PDE10A: variants seen among roughly 807,000 people sequenced by gnomAD.
PDE10A encodes the protein phosphodiesterase 10A, also known as cAMP and cAMP-inhibited cGMP 3',5'-cyclic phosphodiesterase 10A.
PDE10A carries 39 observed loss-of-function variants against 97.7 expected under a neutral mutation model. The ratio of observed to expected loss-of-function variants is 0.40; its 90% CI spans 0.31 to 0.52. The LOEUF (loss-of-function observed/expected upper bound fraction) is 0.52, where lower values mean the gene tolerates loss of function less well. Ranked by LOEUF, PDE10A falls within the 20% of genes least tolerant of loss-of-function variation. The pLI is 0.56. For synonymous variants in PDE10A, 371 were observed against 376.8 expected, an observed-to-expected ratio of 0.98 and a Z score of 0.18; for missense variants, 731 against 1,047.8, an observed-to-expected ratio of 0.70 and a Z score of 4.17.
intron 1 of PDE10A, among the ~76,000 whole-genome samples, chr6:165,750,602 T>C (rs767575881): frequency 6.6e-5 from 10 of 152,244 alleles, no homozygotes; most frequent in Non-Finnish European, 2.9e-5. Flanking sequence ...ACCACAGTTT[T>C]TAATGGGGCC....
At chr6:165,546,337 C>G (rs1025547523) in intron 1 of PDE10A, among the ~76,000 whole-genome samples, 1 of 152,074 alleles carries the variant, frequency 6.6e-6, no homozygotes, top group South Asian at 2.1e-4. Context: ...GACACTATAA[C>G]GATGAATACA....
chr6:165,469,586 T>C (rs1187176047), intron 3 of PDE10A, among the ~76,000 whole-genome samples: 1 of 152,238 alleles, frequency 6.6e-6, no homozygotes, highest in Non-Finnish European at 1.5e-5. Context: ...ATACGGACTT[T>C]TCTTGCAGTC....
At chr6:165,381,346 A>G (rs1784909931) in intron 17 of PDE10A, among the ~76,000 whole-genome samples, 1 of 152,240 alleles carries the variant, frequency 6.6e-6, no homozygotes, top group Non-Finnish European at 1.5e-5. Flanking sequence ...ATTACTTTTC[A>G]GTATTAAAGG....
At position 165,651,082 on chromosome 6, in the gene PDE10A, G is replaced by A. The variant is rs144853118; in HGVS notation, c.865+10865C>T. On this transcript the variant is annotated intron_variant, in intron 1 of 21. Transcript: ENST00000539869. ...TGGATACTGCCAAATTGCCTTCCTC[G>A]GTAGCTACACCACTTGATACTCCCA... is the stretch of plus-strand genomic sequence containing the variant. Among the ~76,000 whole-genome samples the A allele has an allele frequency of 3.8e-4, 58 of 152,250 alleles. 1 individual carries two copies. The East Asian group carries it at 0.011, about 28-fold the overall frequency.
rs186045284 is a variant in PDE10A at position 165,418,054 on chromosome 6, G to A, written c.1796+581C>T. On this transcript the variant is annotated intron_variant, in intron 11 of 21. Transcript: ENST00000539869. This position sits in a 1 kb window ranked among gnomAD's most constrained non-coding sequence, Gnocchi z 4.8. ...AGGTGCGATATGAGCAAGCCCCCATGCCTCCATCAACAAAATAAACTCCAT... is the reference window on the plus strand; with the variant it reads ...AGGTGCGATATGAGCAAGCCCCCATACCTCCATCAACAAAATAAACTCCAT... Among the ~76,000 whole-genome samples the A allele has an allele frequency of 6.6e-6, 1 of 152,214 alleles. No individual in the cohort carries two copies. Among genetic ancestry groups the A allele is most frequent in the Non-Finnish European group, 1.5e-5 (1 of 68,022 alleles).
intron 2 of PDE10A, among the ~76,000 whole-genome samples, chr6:165,502,675 A>C (rs1780958449): frequency 6.6e-6 from 1 of 152,246 alleles, no homozygotes; most frequent in South Asian, 2.1e-4. Flanking sequence ...CAAGAAAATG[A>C]ACAAAGTACT....
At chr6:165,884,560 C>T (rs1174698200) in intron 1 of PDE10A, among the ~76,000 whole-genome samples, 1 of 152,208 alleles carries the variant, frequency 6.6e-6, no homozygotes, top group Non-Finnish European at 1.5e-5. Context: ...AAACTCCCAA[C>T]TATACTATTT....
At chr6:165,837,483 C>T (rs1217113816) in intron 1 of PDE10A, among the ~76,000 whole-genome samples, 1 of 151,956 alleles carries the variant, frequency 6.6e-6, no homozygotes, top group Non-Finnish European at 1.5e-5. Flanking sequence ...TATGTTGGCT[C>T]TATGTTTAAT....
rs371164847 is a variant in PDE10A, at chr6:165,433,099, C to T, written c.1366G>A (p.Glu456Lys). The T allele has an allele frequency of 6.7e-5, 108 of 1,613,228 alleles. No individual in the cohort carries two copies. The highest frequency in any genetic ancestry group is 9.1e-5 in the Non-Finnish European group (107 of 1,179,508). The change falls in exon 7 of 22, where the codon GAA becomes AAA. Residue 456 changes from glutamate to lysine, a missense_variant. This residue lies in a region of PDE10A where 152 missense variants were observed against 199.3 expected (regional missense o/e 0.76). Transcript: ENST00000539869. ...ACAGACTGGATACGAGTCCCTGATT[C>T]CAGTCCAGTACCTCTTGGAAATCGT... is the stretch of plus-strand genomic sequence containing the variant. ...DERFPRGTGL[E>K]SGTRIQSVLC...
At chr6:165,434,061 T>A (rs1280945088) in intron 6 of PDE10A, among the ~76,000 whole-genome samples, 3 of 145,918 alleles carry the variant, frequency 2.1e-5, no homozygotes, top group Non-Finnish European at 4.5e-5. Flanking sequence ...GGAAATTGAA[T>A]GAATTAATAT....
At chr6:165,508,839 A>G (rs2128299925) in intron 2 of PDE10A, among the ~76,000 whole-genome samples, 1 of 152,150 alleles carries the variant, frequency 6.6e-6, no homozygotes, top group African/African-American at 2.4e-5. Flanking sequence ...CAGTGTTAGT[A>G]TGTTTATACA....
intron 3 of PDE10A, among the ~76,000 whole-genome samples, chr6:165,455,045 G>A (rs775974023): frequency 2.6e-4 from 39 of 152,056 alleles, no homozygotes; most frequent in Admixed American, 5.9e-4. Flanking sequence ...CAAAGAGGTC[G>A]GCAGCCATTT....
At chr6:165,760,550 T>C (rs2128457865) in intron 1 of PDE10A, among the ~76,000 whole-genome samples, 1 of 152,322 alleles carries the variant, frequency 6.6e-6, no homozygotes, top group South Asian at 2.1e-4. Flanking sequence ...TTTCAACAAA[T>C]GTTTGTTGAA....
At chr6:165,945,564 G>A (rs935104821) in intron 1 of PDE10A, among the ~76,000 whole-genome samples, 1 of 152,120 alleles carries the variant, frequency 6.6e-6, no homozygotes, top group African/African-American at 2.4e-5. Flanking sequence ...GAATGGGATT[G>A]GTGCCCTTAT....
chr6:165,476,610 T>C (rs1002064764), intron 3 of PDE10A, among the ~76,000 whole-genome samples: 2 of 152,156 alleles, frequency 1.3e-5, no homozygotes, highest in Non-Finnish European at 2.9e-5. Flanking sequence ...TACCCTGAAC[T>C]AAAAAGGACT....
intron 1 of PDE10A, among the ~76,000 whole-genome samples, chr6:165,962,961 T>C (rs1415174700): frequency 6.6e-6 from 1 of 152,236 alleles, no homozygotes; most frequent in Non-Finnish European, 1.5e-5. Context: ...CAAGCATGCA[T>C]ACGTGAGTGC....
chr6:165,793,053 C>T (rs1375547610), intron 1 of PDE10A, among the ~76,000 whole-genome samples: 1 of 152,066 alleles, frequency 6.6e-6, no homozygotes, highest in African/African-American at 2.4e-5. Flanking sequence ...TCAAAAATAA[C>T]ACAATGTGTA....
At chr6:165,497,253 A>G (rs1387099038) in intron 2 of PDE10A, among the ~76,000 whole-genome samples, 1 of 152,188 alleles carries the variant, frequency 6.6e-6, no homozygotes, top group Non-Finnish European at 1.5e-5. Flanking sequence ...AATTATATAT[A>G]AACAGAATGA....
chr6:165,615,865 T>C (rs1038109342), intron 1 of PDE10A, among the ~76,000 whole-genome samples: 1 of 152,194 alleles, frequency 6.6e-6, no homozygotes, highest in Non-Finnish European at 1.5e-5. Flanking sequence ...TAACCTCATG[T>C]TCTGATTGGG....
Sources: allele counts gnomAD v4.1 joint callset (sites outside exome capture counted in the v4.1 genomes callset), GRCh38; gene constraint gnomAD v4.1.1; regional missense constraint gnomAD v4.1.1; non-coding constraint Gnocchi (gnomAD v3.1); transcripts MANE v1.5; gene names NCBI Gene and HGNC (gene_info 2026-07-23, HGNC 2026-07-21).